Variants in DRC3 observed in about 807,000 individuals in gnomAD.
The protein encoded by DRC3 is leucine rich repeat containing 48.
DRC3 carries 45 observed loss-of-function variants against 57.6 expected under a neutral mutation model. The observed-to-expected ratio is 0.78, with a 90% CI of 0.62 to 1.00. The LOEUF is 1.00. Among genes scored for constraint, DRC3 ranks in the 50% least tolerant of loss-of-function variants. The pLI is 0.00. For synonymous variants in DRC3, 257 were observed against 272.3 expected, an observed-to-expected ratio of 0.94 and a Z score of 0.55; for missense variants, 655 against 675.2, an observed-to-expected ratio of 0.97 and a Z score of 0.33.
chr17:18,016,227 G>C (rs1418071877), intron 13 of DRC3, 32 bp downstream of exon 13: 1 of 1,604,032 alleles, frequency 6.2e-7, no homozygotes, highest in East Asian at 2.2e-5. Flanking sequence ...CTAGCAGGCT[G>C]GATGAACTTT....
In DRC3 at chr17:18,007,158, C is replaced by CGGGCGGAGCATGTCGGGGAGGGGCGGGGG; in HGVS notation, c.1326+15_1326+16insGGAGCATGTCGGGGAGGGGCGGGGGGGGC. ...AACGACCTGCGCGCGGTAGGCGGGG[C>CGGGCGGAGCATGTCGGGGAGGGGCGGGGG]GGGCTGCTCGGAGCCTGACAGATGT... On this transcript the variant is annotated intron_variant, in intron 12 of 13. Coordinates refer to ENST00000399187, the MANE Select transcript of DRC3 (RefSeq NM_031294.4). 1 of 993,938 alleles carries CGGGCGGAGCATGTCGGGGAGGGGCGGGGG rather than the reference C, an allele frequency of 1.0e-6. No individual in the cohort carries two copies. The highest frequency in any genetic ancestry group is 3.1e-5 in the East Asian group (1 of 32,630). 61.6% of individuals were successfully genotyped at this position (993,938 alleles called of 1,614,324 possible). A position where few individuals can be genotyped will look rare whatever the true frequency, so the allele number is the denominator to read the frequency against.
At chr17:18,013,462 G>A (rs147899333) in intron 12 of DRC3, among the ~76,000 whole-genome samples, 13 of 152,302 alleles carry the variant, frequency 8.5e-5, no homozygotes, top group Admixed American at 1.3e-4. Flanking sequence ...ATACTATTCA[G>A]CCATAAAAAA....
At chr17:17,998,818 AGAG>A (rs1426132307) in intron 9 of DRC3, among the ~76,000 whole-genome samples, 1 of 152,244 alleles carries the variant, frequency 6.6e-6, no homozygotes, top group African/African-American at 2.4e-5. Context: ...AACTGTCAGC[AGAG>A]GAATACATTT....
chr17:17,980,476 G>A (rs1274024511), intron 3 of DRC3, among the ~76,000 whole-genome samples: 1 of 151,920 alleles, frequency 6.6e-6, no homozygotes, highest in East Asian at 1.9e-4. Context: ...TTTTATTTTA[G>A]TAGAGATGGG....
chr17:17,979,475 G>C (rs954132159), intron 3 of DRC3, among the ~76,000 whole-genome samples: 1 of 152,240 alleles, frequency 6.6e-6, no homozygotes, highest in Admixed American at 6.5e-5. Flanking sequence ...CCACAGGCCT[G>C]GCCGAGGTGG....
chr17:17,999,370 AC>A (rs1439864819), intron 9 of DRC3, among the ~76,000 whole-genome samples: 1 of 152,024 alleles, frequency 6.6e-6, no homozygotes, highest in Non-Finnish European at 1.5e-5. Flanking sequence ...GCCCAGCAGC[AC>A]CCTGTGGCCT....
chr17:17,991,452 G>A (rs1597589848), intron 5 of DRC3, among the ~76,000 whole-genome samples: 1 of 151,208 alleles, frequency 6.6e-6, no homozygotes, highest in Non-Finnish European at 1.5e-5. Context: ...CACCATGCCC[G>A]GCTAATTTTT....
intron 2 of DRC3, among the ~76,000 whole-genome samples, chr17:17,976,274 G>T (rs957337209): frequency 3.3e-5 from 5 of 152,206 alleles, no homozygotes; most frequent in African/African-American, 1.2e-4. Flanking sequence ...TGAGAATGTG[G>T]TCCAGCCACG....
At chr17:18,002,147 GAC>G (rs2043762314) in intron 9 of DRC3, among the ~76,000 whole-genome samples, 1 of 151,820 alleles carries the variant, frequency 6.6e-6, no homozygotes, top group African/African-American at 2.4e-5. Flanking sequence ...CAGCCTGGGT[GAC>G]AGTGTGAGAC....
Position 17,994,429 on chromosome 17 carries a change from G to A in DRC3, c.711+11G>A, listed in dbSNP as rs777242443. On this transcript the variant is annotated intron_variant, in intron 7 of 13. Coordinates refer to ENST00000399187, the MANE Select transcript of DRC3 (RefSeq NM_031294.4). The stretch of plus-strand genomic sequence containing the variant: ...CTAGAGAAGCACAAGGTACCGTTCC[G>A]GCAGGCTGCACGCCCTCGGCCCCCT... 50 of 1,550,556 alleles carry A rather than the reference G, an allele frequency of 3.2e-5. No homozygotes were observed. The Admixed American group carries it at 6.1e-4, about 19-fold the overall frequency.
At position 17,973,912 on chromosome 17, in the gene DRC3, G is replaced by A. The variant is rs1162533488; in HGVS notation, c.-68G>A. 1 of 152,260 alleles carries A rather than the reference G, an allele frequency of 6.6e-6. No homozygotes were observed. Among genetic ancestry groups the A allele is most frequent in the East Asian group, 1.9e-4 (1 of 5,202 alleles). 9.4% of individuals were successfully genotyped at this position (152,260 alleles called of 1,614,324 possible). A position where few individuals can be genotyped will look rare whatever the true frequency, so the allele number is the denominator to read the frequency against. ...TCCGTTGACAGTTGTGTAAAACTCT[G>A]CTGCTTTCCCCAGCTCCAACCTCTC... On this transcript the variant is annotated 5_prime_UTR_variant, in exon 2 of 14. Coordinates refer to ENST00000399187, the MANE Select transcript of DRC3 (RefSeq NM_031294.4).
At chr17:17,986,299 G>C (rs1320721923) in intron 4 of DRC3, among the ~76,000 whole-genome samples, 3 of 152,134 alleles carry the variant, frequency 2.0e-5, no homozygotes, top group Non-Finnish European at 4.4e-5. Flanking sequence ...CTATAAAATG[G>C]GGATGATGCT....
At position 18,011,760 on chromosome 17, in the gene DRC3, C is replaced by A. The variant is rs190087105; in HGVS notation, c.1327-4304C>A. On this transcript the variant is annotated intron_variant, in intron 12 of 13. Coordinates refer to ENST00000399187, the MANE Select transcript of DRC3 (RefSeq NM_031294.4). ...AGTCTTCCTCTCAGTAATTCACTGA[C>A]CATCTTGTCAAGACCCACACCAGAG... 646 of 197,818 alleles carry A rather than the reference C, an allele frequency of 3.3e-3. 3 individuals carry two copies. The highest frequency in any genetic ancestry group is 5.4e-3 in the Non-Finnish European group (501 of 92,122). 12.3% of individuals were successfully genotyped at this position (197,818 alleles called of 1,614,324 possible).
At chr17:18,004,551 T>C (rs1000490206) in intron 10 of DRC3, 57 bp downstream of exon 10, 14 of 1,574,620 alleles carry the variant, frequency 8.9e-6, no homozygotes, top group Non-Finnish European at 1.0e-5. Context: ...TGCACATCCA[T>C]AGGTGAACTG....
chr17:18,013,466 T>TA (rs776048647), intron 12 of DRC3, among the ~76,000 whole-genome samples: 4 of 152,026 alleles, frequency 2.6e-5, no homozygotes, highest in Admixed American at 6.6e-5. Context: ...TATTCAGCCA[T>TA]AAAAAAAGAA....
In DRC3 at chr17:18,004,750, G is replaced by A. The variant is rs2043883534; in HGVS notation, c.1131+256G>A. 6.6e-6 allele frequency: 3 copies of A among 455,264 alleles called. No homozygotes were observed. In the Admixed American group the frequency reaches 1.1e-4, roughly 17 times the overall value. 28.2% of individuals were successfully genotyped at this position (455,264 alleles called of 1,614,324 possible). A position where few individuals can be genotyped will look rare whatever the true frequency, so the allele number is the denominator to read the frequency against. On this transcript the variant is annotated intron_variant, in intron 10 of 13. Coordinates refer to ENST00000399187, the MANE Select transcript of DRC3 (RefSeq NM_031294.4). Reference sequence around the variant, plus strand: ...GGTCCCCCTATCCTGGAAGTCAGTGGGGAGAGGTTTTTGATTAGACCCCTG... The same window carrying A: ...GGTCCCCCTATCCTGGAAGTCAGTGAGGAGAGGTTTTTGATTAGACCCCTG...
intron 13 of DRC3, 22 bp from the exon 14 acceptor site, chr17:18,016,536 G>A (rs771561530): frequency 7.9e-6 from 12 of 1,525,282 alleles, no homozygotes; most frequent in African/African-American, 4.1e-5. Context: ...GTAAGGAATC[G>A]GGCTTTGGTT....
Position 17,977,730 on chromosome 17 carries a change from T to G in DRC3, c.132T>G (p.Asp44Glu). 1 of 1,610,498 alleles carries G rather than the reference T, an allele frequency of 6.2e-7. No individual in the cohort carries two copies. Residue 44 changes from aspartate (D) to glutamate (E), a missense_variant, in exon 3 of 14, where the codon GAT (aspartate) becomes GAG (glutamate). By Grantham distance (45) the Asp-to-Glu change is conservative (BLOSUM62 2). Transcript: ENST00000399187. The stretch of plus-strand genomic sequence containing the variant: ...AGCAGGAGGGCATCCTCTTCAAGGA[T>G]GTCCTGTCCCTGCAGCTGGACTTTC... Reference protein sequence around the residue: ...LAKQEGILFKDVLSLQLDFRN... With the variant: ...LAKQEGILFKEVLSLQLDFRN...
At chr17:17,995,723 G>A (rs1338192123) in intron 8 of DRC3, 2 of 152,580 alleles carry the variant, frequency 1.3e-5, no homozygotes, top group African/African-American at 4.8e-5. Context: ...AGGAGCTCCT[G>A]GATCTGAGAG....
Sources: gnomAD v4.1 joint callset for allele counts (sites outside exome capture counted in the v4.1 genomes callset) on GRCh38, gnomAD v4.1.1 for gene constraint, MANE v1.5 for transcripts, NCBI Gene and HGNC (gene_info 2026-07-23, HGNC 2026-07-21) for gene names.